Variants in RSRC1 observed in about 807,000 individuals in gnomAD.
The protein encoded by RSRC1 is arginine and serine rich coiled-coil 1.
A neutral mutation model predicts 49.1 loss-of-function variants in RSRC1; 39 were observed. The observed-to-expected ratio is 0.79, with a 90% CI of 0.61 to 1.04. RSRC1 has a LOEUF of 1.04. Ranked by LOEUF, RSRC1 falls within the 50% of genes least tolerant of loss-of-function variation. RSRC1 has a pLI of 0.00. For missense variants in RSRC1, 388 were observed against 402.4 expected (o/e 0.96, Z 0.31); for synonymous variants, 143 against 130.8 (o/e 1.09, Z -0.63).
At chr3:158,462,561 A>T (rs915040519) in intron 7 of RSRC1, among the ~76,000 whole-genome samples, 1 of 151,956 alleles carries the variant, frequency 6.6e-6, no homozygotes, top group African/African-American at 2.4e-5. Context: ...GTAATCACAG[A>T]TATTGAAATT....
At chr3:158,154,237 C>G (rs941319765) in intron 3 of RSRC1, among the ~76,000 whole-genome samples, 7 of 152,092 alleles carry the variant, frequency 4.6e-5, no homozygotes, top group Non-Finnish European at 1.0e-4. Flanking sequence ...CTTAAAAATG[C>G]TAATGATCAT....
At chr3:158,220,401 A>G (rs1722164963) in intron 4 of RSRC1, among the ~76,000 whole-genome samples, 1 of 151,556 alleles carries the variant, frequency 6.6e-6, no homozygotes, top group Non-Finnish European at 1.5e-5. Context: ...ATGATGGCCA[A>G]CGTCTTTCCA....
At chr3:158,477,798 T>TTTTTTA (rs1485762587) in intron 7 of RSRC1, among the ~76,000 whole-genome samples, 1 of 89,772 alleles carries the variant, frequency 1.1e-5, no homozygotes, top group Non-Finnish European at 2.3e-5. Flanking sequence ...CGGGAGGGAT[T>TTTTTTA]TATATATATA....
intron 5 of RSRC1, among the ~76,000 whole-genome samples, chr3:158,331,158 T>G (rs1389613839): frequency 6.6e-6 from 1 of 152,234 alleles, no homozygotes; most frequent in Non-Finnish European, 1.5e-5. Flanking sequence ...ATTTGAGATT[T>G]GGTGTTGGGC....
At chr3:158,533,906 T>G (rs1446260258) in intron 7 of RSRC1, among the ~76,000 whole-genome samples, 2 of 151,630 alleles carry the variant, frequency 1.3e-5, no homozygotes, top group African/African-American at 2.4e-5. Context: ...ATAAATTAGC[T>G]GGGCAAAGAA....
At chr3:158,217,834 GAC>G (rs1047608275) in intron 4 of RSRC1, among the ~76,000 whole-genome samples, 8 of 151,156 alleles carry the variant, frequency 5.3e-5, no homozygotes, top group African/African-American at 1.7e-4. Context: ...CCAAGCATAA[GAC>G]ATGTGTAGTG....
intron 7 of RSRC1, among the ~76,000 whole-genome samples, chr3:158,490,424 C>G (rs1739033112): frequency 6.6e-6 from 1 of 152,152 alleles, no homozygotes; most frequent in Non-Finnish European, 1.5e-5. Flanking sequence ...CTAAATTATT[C>G]TTAGTGCAAT....
At chr3:158,299,749 G>A (rs574411773) in intron 5 of RSRC1, among the ~76,000 whole-genome samples, 105 of 152,146 alleles carry the variant, frequency 6.9e-4, no homozygotes, top group African/African-American at 1.1e-3. Flanking sequence ...TTTAAATTTC[G>A]TATGTTTTAT....
At chr3:158,111,353 T>C (rs964236741) in intron 1 of RSRC1, among the ~76,000 whole-genome samples, 7 of 152,250 alleles carry the variant, frequency 4.6e-5, no homozygotes, top group African/African-American at 7.2e-5. Context: ...CAAAAACAGC[T>C]GGCACCTTCT....
At chr3:158,351,886 C>A (rs1016383637) in intron 5 of RSRC1, among the ~76,000 whole-genome samples, 2 of 140,948 alleles carry the variant, frequency 1.4e-5, no homozygotes, top group African/African-American at 2.8e-5. Flanking sequence ...TGATATATAA[C>A]TATTATATAA....
chr3:158,238,819 T>G (rs1411353117), intron 4 of RSRC1, among the ~76,000 whole-genome samples: 1 of 152,136 alleles, frequency 6.6e-6, no homozygotes, highest in Non-Finnish European at 1.5e-5. Flanking sequence ...AAGGACTTCA[T>G]GACTAAAACA....
chr3:158,127,291 A>G (rs1213911622), intron 3 of RSRC1, among the ~76,000 whole-genome samples: 3 of 152,084 alleles, frequency 2.0e-5, no homozygotes, highest in Admixed American at 6.6e-5. Context: ...ATCTTCTTCT[A>G]TAACTCCATA....
At chr3:158,362,615 C>G (rs1253168265) in intron 6 of RSRC1, among the ~76,000 whole-genome samples, 6 of 152,136 alleles carry the variant, frequency 3.9e-5, no homozygotes, top group Admixed American at 3.9e-4. Flanking sequence ...TACACTTAAA[C>G]TTTAAGACAG....
intron 4 of RSRC1, among the ~76,000 whole-genome samples, chr3:158,218,525 G>A (rs151020840): frequency 6.6e-6 from 1 of 151,654 alleles, no homozygotes; most frequent in African/African-American, 2.4e-5. Flanking sequence ...ATTGGAAGAT[G>A]GCAGGGTATC....
intron 4 of RSRC1, among the ~76,000 whole-genome samples, chr3:158,204,132 G>C (rs114394054): frequency 0.026 from 3,895 of 152,118 alleles, 76 homozygotes; most frequent in Non-Finnish European, 0.038. Context: ...AGTTTACTAG[G>C]ATTGCACATA....
At chr3:158,150,612 A>G (rs186960253) in intron 3 of RSRC1, among the ~76,000 whole-genome samples, 3 of 152,276 alleles carry the variant, frequency 2.0e-5, no homozygotes, top group Admixed American at 2.0e-4. Flanking sequence ...TCTTGATATC[A>G]ATTAGGATGA....
At chr3:158,512,398 C>T (rs1366717550) in intron 7 of RSRC1, among the ~76,000 whole-genome samples, 46 of 147,740 alleles carry the variant, frequency 3.1e-4, no homozygotes, top group Admixed American at 1.0e-3. Context: ...TTGTTTTTCT[C>T]AGGTTTGTCA....
chr3:158,344,422 A>G (rs1162869444), intron 5 of RSRC1, among the ~76,000 whole-genome samples: 1 of 152,206 alleles, frequency 6.6e-6, no homozygotes, highest in Non-Finnish European at 1.5e-5. Context: ...CAGATTTTTC[A>G]TTGGAAACAA....
rs778247693 is a variant in RSRC1 at position 158,203,230 on chromosome 3, AT to A, written c.480del (p.His160GlnfsTer15). 6.3e-7 allele frequency: 1 copy of A among 1,592,910 alleles called. No homozygotes were observed. Among genetic ancestry groups the A allele is most frequent in the South Asian group, 1.1e-5 (1 of 87,768 alleles). On this transcript the variant is annotated frameshift_variant, in exon 4 of 10. Transcript: ENST00000611884. LOFTEE classifies it high-confidence loss of function. ...EKDKGKDKELHNIKRGESGNI... is the reference protein window; with the variant it reads ...EKDKGKDKELXNIKRGESGNI... ...GATAAAGGGAAGGACAAGGAATTAC[AT>A]AACATCAAACGTGGGTAAGTTGGAG...
Sources: allele counts gnomAD v4.1 joint callset (sites outside exome capture counted in the v4.1 genomes callset), GRCh38; gene constraint gnomAD v4.1.1; transcripts MANE v1.5; gene names NCBI Gene and HGNC (gene_info 2026-07-23, HGNC 2026-07-21).